LARGE1: variants seen among roughly 807,000 people sequenced by gnomAD.
LARGE1 encodes the protein xylosyl- and glucuronyltransferase LARGE1.
Under a neutral mutation model 87.6 loss-of-function variants are expected in LARGE1, and 43 were observed. The observed-to-expected ratio is 0.49, with a 90% CI of 0.38 to 0.63. The LOEUF is 0.63. Ranked by LOEUF, LARGE1 falls within the 30% of genes least tolerant of loss-of-function variation. The probability of loss-of-function intolerance (pLI) is 0.00; values close to 1 mark genes in which losing one functional copy is unlikely to be tolerated. For missense variants in LARGE1, 802 were observed against 1,000.2 expected (o/e 0.80, Z 2.67); for synonymous variants, 434 against 394.6 (o/e 1.10, Z -1.18).
chr22:33,397,769 T>C (rs2065799510), intron 7 of LARGE1, among the ~76,000 whole-genome samples: 1 of 152,242 alleles, frequency 6.6e-6, no homozygotes, highest in Non-Finnish European at 1.5e-5. Context: ...TTCTGAAGTA[T>C]TCCAATTGCT....
At chr22:33,166,877 C>G in intron 11 of LARGE1, 1 of 471,110 alleles carries the variant, frequency 2.1e-6, no homozygotes, top group Non-Finnish European at 4.4e-6. Flanking sequence ...AAAGTGTGTT[C>G]TGTGGTTATT....
At chr22:33,305,769 G>T (rs1425799633) in intron 11 of LARGE1, 1 of 158,010 alleles carries the variant, frequency 6.3e-6, no homozygotes, top group Non-Finnish European at 1.4e-5. Context: ...ATTCACCAGT[G>T]CAAAATGCTC....
chr22:33,643,728 A>AT (rs2080516359), intron 3 of LARGE1, among the ~76,000 whole-genome samples: 5 of 152,202 alleles, frequency 3.3e-5, no homozygotes, highest in Admixed American at 3.3e-4. Context: ...GATAAAGGGG[A>AT]CATCACCACT....
chr22:33,519,250 G>T (rs1206201433), intron 6 of LARGE1, among the ~76,000 whole-genome samples: 1 of 151,922 alleles, frequency 6.6e-6, no homozygotes, highest in African/African-American at 2.4e-5. Context: ...GTGTGTGTGT[G>T]TGTGTGTGGT....
At chr22:33,693,320 C>G (rs1325130573) in intron 2 of LARGE1, among the ~76,000 whole-genome samples, 1 of 151,620 alleles carries the variant, frequency 6.6e-6, no homozygotes, top group Non-Finnish European at 1.5e-5. Flanking sequence ...GGTGACAGGT[C>G]CACTAAAATC....
intron 7 of LARGE1, among the ~76,000 whole-genome samples, chr22:33,403,793 G>A (rs978855597): frequency 3.3e-5 from 5 of 151,982 alleles, no homozygotes; most frequent in Non-Finnish European, 7.4e-5. Flanking sequence ...TAGTAGAGAC[G>A]GGGTTTTGTC....
chr22:33,184,439 A>G (rs987882945), intron 11 of LARGE1, among the ~76,000 whole-genome samples: 1 of 151,676 alleles, frequency 6.6e-6, no homozygotes, highest in Admixed American at 6.6e-5. Context: ...AAGCATCTAA[A>G]GTAGTTCTTT....
At chr22:33,234,568 T>G (rs1013576821) in intron 11 of LARGE1, among the ~76,000 whole-genome samples, 1 of 152,088 alleles carries the variant, frequency 6.6e-6, no homozygotes. Context: ...TGAGACAGAG[T>G]TTTGCTCTTG....
intron 7 of LARGE1, among the ~76,000 whole-genome samples, chr22:33,423,007 C>A (rs992303392): frequency 9.0e-6 from 1 of 111,080 alleles, no homozygotes; most frequent in Non-Finnish European, 1.8e-5. Flanking sequence ...TTTTTAAAAC[C>A]ATTTTTTTTT....
chr22:33,863,293 A>G (rs1236926892), intron 1 of LARGE1, among the ~76,000 whole-genome samples: 2 of 152,198 alleles, frequency 1.3e-5, no homozygotes, highest in African/African-American at 2.4e-5. Flanking sequence ...GAAGCACTCA[A>G]TAATGCTGTT....
At chr22:33,746,975 TTAG>T (rs2084111482) in intron 2 of LARGE1, among the ~76,000 whole-genome samples, 2 of 152,106 alleles carry the variant, frequency 1.3e-5, no homozygotes, top group African/African-American at 4.8e-5. Flanking sequence ...GGAACCCCAT[TTAG>T]TAGATCTAGG....
At chr22:33,478,454 A>C (rs2069173204) in intron 6 of LARGE1, among the ~76,000 whole-genome samples, 1 of 152,246 alleles carries the variant, frequency 6.6e-6, no homozygotes, top group African/African-American at 2.4e-5. Flanking sequence ...ACCGCATTGC[A>C]AAGTAGGATG....
intron 2 of LARGE1, among the ~76,000 whole-genome samples, chr22:33,663,049 G>GA (rs61031985): frequency 0.049 from 7,333 of 151,078 alleles, 594 homozygotes; most frequent in African/African-American, 0.17. Flanking sequence ...GGAGGAAAAT[G>GA]AAAAAAAAAA....
intron 11 of LARGE1, among the ~76,000 whole-genome samples, chr22:33,178,003 A>G (rs1050062161): frequency 6.6e-6 from 1 of 152,036 alleles, no homozygotes; most frequent in African/African-American, 2.4e-5. Flanking sequence ...CTTCTCCTTC[A>G]CTTTCCGCCA....
At chr22:33,279,913 C>T (rs561078293) in intron 13 of LARGE1, among the ~76,000 whole-genome samples, 1 of 152,272 alleles carries the variant, frequency 6.6e-6, no homozygotes, top group South Asian at 2.1e-4. Context: ...GGTTCAAATC[C>T]CACCTCTGCC....
chr22:33,471,765 T>C (rs556407733), intron 6 of LARGE1, among the ~76,000 whole-genome samples: 1 of 152,126 alleles, frequency 6.6e-6, no homozygotes, highest in Admixed American at 6.5e-5. Context: ...CCAGGCGCGG[T>C]GGCTCACCCC....
chr22:33,578,940 T>C (rs1352520536), intron 5 of LARGE1, among the ~76,000 whole-genome samples: 1 of 152,204 alleles, frequency 6.6e-6, no homozygotes, highest in South Asian at 2.1e-4. Context: ...AACAAATGTT[T>C]CTCCAATCTC....
At chr22:33,095,074 C>T in the LARGE1 span, among the ~76,000 whole-genome samples, 1 of 152,216 alleles carries the variant, frequency 6.6e-6, no homozygotes, top group South Asian at 2.1e-4. Context: ...TGTATTATTC[C>T]TGGCTTATCG....
chr22:33,819,698 T>C (rs747563385), intron 1 of LARGE1, among the ~76,000 whole-genome samples: 13 of 152,124 alleles, frequency 8.5e-5, no homozygotes, highest in Non-Finnish European at 1.8e-4. Context: ...CACTTTCCCA[T>C]GGGGTGAAAG....
Sources: gnomAD v4.1 joint callset for allele counts (sites outside exome capture counted in the v4.1 genomes callset) on GRCh38, gnomAD v4.1.1 for gene constraint, MANE v1.5 for transcripts, NCBI Gene and HGNC (gene_info 2026-07-23, HGNC 2026-07-21) for gene names.